TNS3: variants seen among roughly 807,000 people sequenced by gnomAD.
TNS3 encodes tensin-3.
In TNS3, 45 loss-of-function variants were observed where a neutral mutation model predicts 140.9. That is an observed-to-expected ratio of 0.32 (90% CI 0.25 to 0.41). The LOEUF is 0.41. Ranked by LOEUF, TNS3 falls within the 10% of genes least tolerant of loss-of-function variation. The pLI is 1.00. For synonymous variants in TNS3, 815 were observed against 788.4 expected, an observed-to-expected ratio of 1.03 and a Z score of -0.56; for missense variants, 1,716 against 1,906.7, an observed-to-expected ratio of 0.90 and a Z score of 1.86.
intron 27 of TNS3, among the ~76,000 whole-genome samples, chr7:47,287,134 C>T (rs1418128676): frequency 6.6e-6 from 1 of 151,234 alleles, no homozygotes; most frequent in Non-Finnish European, 1.5e-5. Flanking sequence ...CTACCATATG[C>T]TAAAAAATGC....
chr7:47,361,669 T>C (rs1376526866), intron 17 of TNS3, among the ~76,000 whole-genome samples: 2 of 152,166 alleles, frequency 1.3e-5, no homozygotes, highest in African/African-American at 4.8e-5. Context: ...CTCTCCATGG[T>C]CAATTATTAA....
intron 10 of TNS3, among the ~76,000 whole-genome samples, chr7:47,420,572 G>A (rs76723351): frequency 0.016 from 2,408 of 152,232 alleles, 58 homozygotes; most frequent in African/African-American, 0.055. Context: ...CTATGCATTC[G>A]GGCAGCCCCC....
intron 20 of TNS3, among the ~76,000 whole-genome samples, chr7:47,306,821 C>G (rs947497774): frequency 6.6e-6 from 1 of 152,184 alleles, no homozygotes. Context: ...TCGTGATCTG[C>G]CCGCCTTGGC....
chr7:47,337,482 T>C (rs758954858), intron 20 of TNS3, among the ~76,000 whole-genome samples: 8 of 152,252 alleles, frequency 5.3e-5, no homozygotes, highest in Non-Finnish European at 4.4e-5. Context: ...ATTTAAACAA[T>C]AATGACAAAA....
rs557565454 is a variant in TNS3, at chr7:47,385,044, C to A, written c.1024+11756G>T. Among the ~76,000 whole-genome samples the A allele has an allele frequency of 5.0e-4, 76 of 152,362 alleles. 1 individual carries two copies. Among genetic ancestry groups the A allele is most frequent in the Admixed American group, 4.6e-3 (71 of 15,312 alleles). On this transcript the variant is annotated intron_variant, in intron 16 of 30. Coordinates refer to ENST00000311160, the MANE Select transcript of TNS3 (RefSeq NM_022748.12). Reference sequence around the variant, plus strand: ...CAGACTGTTGTCCACTCCCAACAGACAACCTCGCCTGCCTTGTACAGGTCA... The same window carrying A: ...CAGACTGTTGTCCACTCCCAACAGAAAACCTCGCCTGCCTTGTACAGGTCA...
intron 20 of TNS3, among the ~76,000 whole-genome samples, chr7:47,309,150 A>G (rs1786932019): frequency 6.6e-6 from 1 of 152,222 alleles, no homozygotes; most frequent in Non-Finnish European, 1.5e-5. Context: ...TCACTGCCTG[A>G]TGCCCATTGG....
At chr7:47,282,444 T>C (rs1421270698) in intron 28 of TNS3, among the ~76,000 whole-genome samples, 2 of 149,216 alleles carry the variant, frequency 1.3e-5, no homozygotes, top group Admixed American at 6.6e-5. Flanking sequence ...CTGAGCTATG[T>C]CCCTGACCCT....
At chr7:47,383,833 T>TC in intron 16 of TNS3, among the ~76,000 whole-genome samples, 1 of 152,148 alleles carries the variant, frequency 6.6e-6, no homozygotes, top group South Asian at 2.1e-4. Flanking sequence ...TGCTGCACCC[T>TC]CTAGTGCAGG....
rs1049844764 is a variant in TNS3 at position 47,413,923 on chromosome 7, G to A, written c.647+14C>T. 2 of 1,613,500 alleles carry A rather than the reference G, an allele frequency of 1.2e-6. No individual in the cohort carries two copies. The highest frequency in any genetic ancestry group is 2.2e-5 in the East Asian group (1 of 44,862). On this transcript the variant is annotated intron_variant, in intron 12 of 30. Coordinates refer to ENST00000311160, the MANE Select transcript of TNS3 (RefSeq NM_022748.12). ...AGGTCCCACAACAGCAGCAGCAGCA[G>A]CAGCAGCACTCACTAGATCCCGGAG...
intron 23 of TNS3, among the ~76,000 whole-genome samples, chr7:47,300,082 T>C (rs920529852): frequency 7.2e-5 from 11 of 152,292 alleles, no homozygotes; most frequent in African/African-American, 2.6e-4. Flanking sequence ...ATGTGACAAA[T>C]TGCACTCCCA....
chr7:47,352,479 A>G (rs1048053193), intron 17 of TNS3, among the ~76,000 whole-genome samples: 1 of 152,178 alleles, frequency 6.6e-6, no homozygotes, highest in Admixed American at 6.5e-5. Flanking sequence ...GTGGAGGGTC[A>G]GGTTCTGCAT....
chr7:47,514,915 C>T (rs1798729078), intron 2 of TNS3, among the ~76,000 whole-genome samples: 2 of 152,140 alleles, frequency 1.3e-5, no homozygotes, highest in South Asian at 2.1e-4. Context: ...TTTGGGATAT[C>T]AATGGCAACT....
chr7:47,352,746 C>G (rs2151038036), intron 17 of TNS3, among the ~76,000 whole-genome samples: 1 of 152,312 alleles, frequency 6.6e-6, no homozygotes. Flanking sequence ...GAGAGCTGCC[C>G]CTCCACTCAA....
intron 20 of TNS3, among the ~76,000 whole-genome samples, chr7:47,325,392 G>T (rs558340165): frequency 1.3e-5 from 2 of 152,228 alleles, no homozygotes; most frequent in South Asian, 4.2e-4. Flanking sequence ...TCTCCACCCA[G>T]CTATCCATTC....
intron 16 of TNS3, among the ~76,000 whole-genome samples, chr7:47,388,823 G>C (rs1792223886): frequency 2.0e-5 from 3 of 151,676 alleles, no homozygotes; most frequent in Admixed American, 2.0e-4. Flanking sequence ...GCCAAGATTG[G>C]GCAGCTGCAC....
At chr7:47,387,596 A>C (rs1013926319) in intron 16 of TNS3, among the ~76,000 whole-genome samples, 1 of 152,158 alleles carries the variant, frequency 6.6e-6, no homozygotes, top group Non-Finnish European at 1.5e-5. Flanking sequence ...TTTTGTATGA[A>C]CACCTCCCTT....
intron 20 of TNS3, among the ~76,000 whole-genome samples, chr7:47,314,981 A>G (rs1787310921): frequency 6.6e-6 from 1 of 152,210 alleles, no homozygotes; most frequent in African/African-American, 2.4e-5. Flanking sequence ...CTAAGGCAAA[A>G]GCCGTCTTCC....
chr7:47,447,893 G>A (rs1207217024), intron 4 of TNS3, among the ~76,000 whole-genome samples: 1 of 152,238 alleles, frequency 6.6e-6, no homozygotes, highest in East Asian at 1.9e-4. Flanking sequence ...TCTTGCTCAG[G>A]AGGACAGCCC....
chr7:47,545,193 A>G (rs1169791254), intron 1 of TNS3, among the ~76,000 whole-genome samples: 1 of 136,450 alleles, frequency 7.3e-6, no homozygotes, highest in Non-Finnish European at 1.5e-5. Context: ...CCTGGAGTGC[A>G]GTGTGGCACA....
Sources: allele counts gnomAD v4.1 joint callset (sites outside exome capture counted in the v4.1 genomes callset), GRCh38; gene constraint gnomAD v4.1.1; transcripts MANE v1.5; gene names NCBI Gene and HGNC (gene_info 2026-07-23, HGNC 2026-07-21).